Variants in COG6 observed in about 807,000 individuals in gnomAD.
The protein encoded by COG6 is conserved oligomeric Golgi complex subunit 6.
A neutral mutation model predicts 88.8 loss-of-function variants in COG6; 74 were observed. The observed-to-expected ratio is 0.83, with a 90% CI of 0.69 to 1.01. COG6 has a LOEUF of 1.01. Among genes scored for constraint, COG6 ranks in the 50% least tolerant of loss-of-function variants. The pLI is 0.00. For synonymous variants in COG6, 286 were observed against 278.7 expected (o/e 1.03, Z -0.26); for missense variants, 800 against 797.9 (o/e 1.00, Z -0.03).
intron 18 of COG6, among the ~76,000 whole-genome samples, chr13:39,745,305 A>G (rs1880282418): frequency 1.3e-5 from 2 of 152,296 alleles, no homozygotes; most frequent in South Asian, 4.1e-4. Context: ...TGAACAGGCA[A>G]CCTACAGAAT....
At chr13:39,768,483 G>A (rs535267054) in intron 18 of COG6, among the ~76,000 whole-genome samples, 1 of 152,338 alleles carries the variant, frequency 6.6e-6, no homozygotes, top group East Asian at 1.9e-4. Context: ...GTTTATCCAG[G>A]GCTCAGAGCC....
intron 18 of COG6, among the ~76,000 whole-genome samples, chr13:39,779,291 CTGTT>C (rs1438589747): frequency 6.6e-6 from 1 of 152,194 alleles, no homozygotes; most frequent in Non-Finnish European, 1.5e-5. Context: ...TATTCTAAGT[CTGTT>C]TGACCTGTGA....
At chr13:39,717,573 A>G (rs1375078416) in intron 13 of COG6, among the ~76,000 whole-genome samples, 1 of 152,048 alleles carries the variant, frequency 6.6e-6, no homozygotes, top group Non-Finnish European at 1.5e-5. Context: ...CACCTGCTCA[A>G]ATCTGCTGTA....
At chr13:39,763,033 G>A (rs1219987189) in intron 18 of COG6, among the ~76,000 whole-genome samples, 2 of 151,534 alleles carry the variant, frequency 1.3e-5, no homozygotes, top group Non-Finnish European at 3.0e-5. Context: ...AGAATCTATT[G>A]AGATGATCAC....
intron 18 of COG6, among the ~76,000 whole-genome samples, chr13:39,774,563 GA>G (rs965773725): frequency 1.7e-4 from 25 of 151,422 alleles, no homozygotes; most frequent in African/African-American, 5.8e-4. Context: ...CACAAAGTTG[GA>G]AAAAAATTTC....
chr13:39,779,052 G>A (rs1341828621), intron 18 of COG6, among the ~76,000 whole-genome samples: 1 of 152,180 alleles, frequency 6.6e-6, no homozygotes, highest in Non-Finnish European at 1.5e-5. Context: ...TTGAAGAGAG[G>A]AGTGTCAAAA....
At chr13:39,737,516 T>A (rs999910817) in intron 18 of COG6, among the ~76,000 whole-genome samples, 2 of 149,556 alleles carry the variant, frequency 1.3e-5, no homozygotes, top group Non-Finnish European at 3.0e-5. Context: ...CTGAGGTGGC[T>A]GAGCTGGCAT....
At chr13:39,727,772 A>T (rs1879216392) in intron 18 of COG6, among the ~76,000 whole-genome samples, 2 of 152,134 alleles carry the variant, frequency 1.3e-5, no homozygotes, top group Non-Finnish European at 2.9e-5. Context: ...TTAGTACATG[A>T]TTGTTAAAAT....
intron 13 of COG6, among the ~76,000 whole-genome samples, chr13:39,710,432 T>C (rs1053254120): frequency 2.6e-5 from 4 of 152,056 alleles, no homozygotes; most frequent in Admixed American, 2.6e-4. Context: ...AAAAATATCA[T>C]TGGGACTGCT....
Position 39,694,738 on chromosome 13 carries a change from G to A in COG6, c.1166+13G>A. 7.5e-7 allele frequency: 1 copy of A among 1,328,036 alleles called. No homozygotes were observed. The highest frequency in any genetic ancestry group is 1.1e-6 in the Non-Finnish European group (1 of 926,248). The allele number at this position is 1,328,036 out of a possible 1,614,324, so 82.3% of individuals were successfully genotyped here. On this transcript the variant is annotated intron_variant, in intron 12 of 18. Coordinates refer to ENST00000455146, the MANE Select transcript of COG6 (RefSeq NM_020751.3). Reference sequence around the variant, plus strand: ...ACCATACAATCAGGTAAGTAGAATGGCAAAATGTGCTTGCTAAATCCAATG... The same window carrying A: ...ACCATACAATCAGGTAAGTAGAATGACAAAATGTGCTTGCTAAATCCAATG...
At chr13:39,745,407 T>C (rs544021874) in intron 18 of COG6, among the ~76,000 whole-genome samples, 1 of 151,160 alleles carries the variant, frequency 6.6e-6, no homozygotes, top group East Asian at 2.0e-4. Context: ...AAAAAAACCA[T>C]CAAAAAGTGG....
At chr13:39,687,019 G>A (rs1260813403) in intron 8 of COG6, among the ~76,000 whole-genome samples, 1 of 151,948 alleles carries the variant, frequency 6.6e-6, no homozygotes, top group South Asian at 2.1e-4. Context: ...GTGAACCACC[G>A]CACCCAGCCT....
intron 5 of COG6, among the ~76,000 whole-genome samples, 197 bp downstream of exon 5, chr13:39,677,776 T>C (rs1278940610): frequency 6.6e-6 from 1 of 152,196 alleles, no homozygotes; most frequent in South Asian, 2.1e-4. Context: ...GTCAAAGTTA[T>C]AAAAAGAAAA....
At chr13:39,767,518 C>T (rs1881200674) in intron 18 of COG6, among the ~76,000 whole-genome samples, 1 of 152,088 alleles carries the variant, frequency 6.6e-6, no homozygotes, top group South Asian at 2.1e-4. Flanking sequence ...GTGGAGGTGG[C>T]AATGGCAGGA....
intron 13 of COG6, among the ~76,000 whole-genome samples, chr13:39,701,460 A>G (rs1386326659): frequency 1.3e-5 from 2 of 151,886 alleles, no homozygotes; most frequent in African/African-American, 4.8e-5. Flanking sequence ...TTTTATGAGT[A>G]GAGCTACCAG....
intron 13 of COG6, among the ~76,000 whole-genome samples, chr13:39,704,825 T>G (rs920186934): frequency 1.3e-5 from 2 of 152,178 alleles, no homozygotes; most frequent in African/African-American, 4.8e-5. Flanking sequence ...CTGATCATTA[T>G]TGTTGTTGTT....
chr13:39,694,844 G>T (rs1484405341), intron 12 of COG6, 119 bp downstream of exon 12: 1 of 583,604 alleles, frequency 1.7e-6, no homozygotes, highest in Non-Finnish European at 3.1e-6. Context: ...TATAGACTAA[G>T]CGTAACTAGT....
chr13:39,665,052 A>G (rs1031703117), intron 3 of COG6, 44 bp from the exon 4 acceptor site: 10 of 911,530 alleles, frequency 1.1e-5, no homozygotes, highest in African/African-American at 8.3e-5. Flanking sequence ...CTGAAATATA[A>G]TAAAATTGGA....
intron 18 of COG6, among the ~76,000 whole-genome samples, chr13:39,783,432 TCTG>T (rs1249155086): frequency 6.6e-6 from 1 of 152,214 alleles, no homozygotes; most frequent in Non-Finnish European, 1.5e-5. Context: ...TCATTTTTGT[TCTG>T]TTTTGTTTTG....
Sources: allele counts gnomAD v4.1 joint callset (sites outside exome capture counted in the v4.1 genomes callset), GRCh38; gene constraint gnomAD v4.1.1; transcripts MANE v1.5; gene names NCBI Gene and HGNC (gene_info 2026-07-23, HGNC 2026-07-21).